Variants in NTMT1 observed in about 807,000 individuals in gnomAD.
NTMT1 encodes N-terminal RCC1 methyltransferase.
In NTMT1, 8 loss-of-function variants were observed where a neutral mutation model predicts 17.5. The ratio of observed to expected loss-of-function variants is 0.46; its 90% CI spans 0.27 to 0.82. NTMT1 has a LOEUF of 0.82. Among genes scored for constraint, NTMT1 ranks in the 40% least tolerant of loss-of-function variants. NTMT1 has a pLI of 0.15. For missense variants in NTMT1, 221 were observed against 303.5 expected (o/e 0.73, Z 2.02); for synonymous variants, 128 against 126.8 (o/e 1.01, Z -0.06).
chr9:129,615,564 T>C (rs770129605), intron 1 of NTMT1: 2 of 1,609,882 alleles, frequency 1.2e-6, no homozygotes. Context: ...AGGGCAACGC[T>C]GCCTGCAGGG....
chr9:129,621,627 C>T (rs564008734), upstream of NTMT1, among the ~76,000 whole-genome samples: 53 of 152,310 alleles, frequency 3.5e-4, no homozygotes, highest in South Asian at 0.011. Flanking sequence ...CTTGGCCTCC[C>T]AAAGTGCTGG....
Position 129,635,553 on chromosome 9 carries a change from CGTGA to C in NTMT1, c.*93_*96del, listed in dbSNP as rs1831503459. The C allele has an allele frequency of 4.8e-6, 7 of 1,453,372 alleles. No homozygotes were observed. Among genetic ancestry groups the C allele is most frequent in the South Asian group, 3.9e-5 (3 of 76,932 alleles). The allele number at this position is 1,453,372 out of a possible 1,614,324, so 90.0% of individuals were successfully genotyped here. A position where few individuals can be genotyped will look rare whatever the true frequency, so the allele number is the denominator to read the frequency against. ...AGATCCAGGCGCCACGCTGGCGGTT[CGTGA>C]GTGTCGAGGCACCACTAAATATAGC... On this transcript the variant is annotated 3_prime_UTR_variant, in exon 4 of 4. Coordinates refer to ENST00000372483, the MANE Select transcript of NTMT1 (RefSeq NM_014064.4).
upstream of NTMT1, among the ~76,000 whole-genome samples, chr9:129,623,373 A>G (rs1281679234): frequency 7.7e-6 from 1 of 129,284 alleles, no homozygotes; most frequent in Admixed American, 7.9e-5. Context: ...AAGGAAGAAA[A>G]GAAATTAACA....
chr9:129,624,809 G>A (rs1046211852), upstream of NTMT1, among the ~76,000 whole-genome samples: 5 of 152,134 alleles, frequency 3.3e-5, no homozygotes, highest in African/African-American at 1.2e-4. Context: ...TGTATTTTTA[G>A]TAGAGACGGG....
chr9:129,609,934 T>TA (rs1452027963), intron 1 of NTMT1, among the ~76,000 whole-genome samples: 1 of 150,324 alleles, frequency 6.7e-6, no homozygotes, highest in African/African-American at 2.5e-5. Context: ...GGAGTCCGGG[T>TA]ATGTGTGTGG....
upstream of NTMT1, among the ~76,000 whole-genome samples, chr9:129,625,839 C>T (rs1243348244): frequency 6.6e-6 from 1 of 151,742 alleles, no homozygotes; most frequent in African/African-American, 2.4e-5. Flanking sequence ...TGGTGAAAAC[C>T]CGTCTCTACT....
At chr9:129,631,256 G>T (rs928622439) in intron 1 of NTMT1, among the ~76,000 whole-genome samples, 1 of 152,208 alleles carries the variant, frequency 6.6e-6, no homozygotes, top group East Asian at 1.9e-4. Context: ...TTATTTTTCT[G>T]CTGTGTATTT....
rs1228177954 is a variant in NTMT1, at chr9:129,614,372, C to T, written c.-55+5194C>T. ...CTGCGTCAGATCCCTCCCAAATCAG[C>T]GAAGGTCCTAGGTTTGCAGGGCATC... is the stretch of plus-strand genomic sequence containing the variant. On this transcript the variant is annotated intron_variant, in intron 1 of 3. Transcript: ENST00000372486. This position sits in a 1 kb window ranked among gnomAD's most constrained non-coding sequence, Gnocchi z 4.4. Among the ~76,000 whole-genome samples the T allele has an allele frequency of 2.0e-5, 3 of 152,186 alleles. No individual in the cohort carries two copies. The highest frequency in any genetic ancestry group is 2.1e-4 in the South Asian group (1 of 4,826).
intron 1 of NTMT1, among the ~76,000 whole-genome samples, chr9:129,626,913 T>C (rs1830927047): frequency 6.6e-6 from 1 of 152,210 alleles, no homozygotes; most frequent in Admixed American, 6.5e-5. Context: ...TTCTCCTCTG[T>C]ACTATAAGTG....
chr9:129,621,685 C>T (rs1417053635), upstream of NTMT1, among the ~76,000 whole-genome samples: 4 of 152,176 alleles, frequency 2.6e-5, no homozygotes, highest in Non-Finnish European at 5.9e-5. Flanking sequence ...AGACTTTTAA[C>T]AAACTCCCCC....
At chr9:129,619,900 G>C in intron 1 of NTMT1, 2 of 1,547,686 alleles carry the variant, frequency 1.3e-6, no homozygotes, top group Non-Finnish European at 1.8e-6. Flanking sequence ...TGGCCTCGGG[G>C]TGATGGCAGA....
At chr9:129,635,137 G>A in intron 3 of NTMT1, 71 bp from the exon 4 acceptor site, 2 of 1,543,342 alleles carry the variant, frequency 1.3e-6, no homozygotes, top group Non-Finnish European at 1.7e-6. Context: ...GCGGGGCTGA[G>A]AAGTACATCC....
At chr9:129,615,675 C>T (rs778163876) in intron 1 of NTMT1, 7 of 1,500,366 alleles carry the variant, frequency 4.7e-6, no homozygotes, top group East Asian at 2.4e-5. Context: ...GGCCTGTGCT[C>T]GAAGCCCCCC....
chr9:129,620,146 T>C lies in NTMT1; in HGVS notation c.-55+10968T>C, dbSNP rs1225967454. 3 of 1,462,452 alleles carry C rather than the reference T, an allele frequency of 2.1e-6. No homozygotes were observed. In the East Asian group the frequency reaches 7.6e-5, roughly 37 times the overall value. 90.6% of individuals were successfully genotyped at this position (1,462,452 alleles called of 1,614,324 possible). On this transcript the variant is annotated intron_variant, in intron 1 of 3. Transcript: ENST00000372486. This position sits in a 1 kb window ranked among gnomAD's most constrained non-coding sequence, Gnocchi z 5.8. ...GGAACCTGCTGGGGAGGAGCTCTCC[T>C]AGGAAGGCGCCCAAGAAGTCGGGGT...
chr9:129,618,728 T>C (rs1487335994), intron 1 of NTMT1, among the ~76,000 whole-genome samples: 1 of 152,052 alleles, frequency 6.6e-6, no homozygotes, highest in Non-Finnish European at 1.5e-5. Context: ...AGTCTCACTC[T>C]GTCACCCAGG....
chr9:129,618,654 G>C (rs1830508239), intron 1 of NTMT1, among the ~76,000 whole-genome samples: 1 of 152,052 alleles, frequency 6.6e-6, no homozygotes, highest in Non-Finnish European at 1.5e-5. Flanking sequence ...TGGATGGATA[G>C]AAGTGTGGGA....
Position 129,613,082 on chromosome 9 carries a change from T to C in NTMT1, c.-55+3904T>C. 2 of 1,613,120 alleles carry C rather than the reference T, an allele frequency of 1.2e-6. No homozygotes were observed. The highest frequency in any genetic ancestry group is 1.7e-6 in the Non-Finnish European group (2 of 1,179,932). On this transcript the variant is annotated intron_variant, in intron 1 of 3. Transcript: ENST00000372486. The surrounding 1 kb of genome is among the most constrained non-coding windows in gnomAD (Gnocchi z 6.2). ...CAGCAGGGGCTCACCAGCTTCTAGGTCCAGGAGCAAGACCATTTGCCCACC... is the reference window on the plus strand; with the variant it reads ...CAGCAGGGGCTCACCAGCTTCTAGGCCCAGGAGCAAGACCATTTGCCCACC...
In NTMT1 at chr9:129,633,693, G is replaced by A. The variant is rs180766884; in HGVS notation, c.163-361G>A. 2.3e-3 allele frequency: 441 copies of A among 188,170 alleles called. 2 individuals are homozygous for A. Among genetic ancestry groups the A allele is most frequent in the South Asian group, 0.02 (123 of 6,124 alleles). The allele number at this position is 188,170 out of a possible 1,614,324, so 11.7% of individuals were successfully genotyped here. A position where few individuals can be genotyped will look rare whatever the true frequency, so the allele number is the denominator to read the frequency against. On this transcript the variant is annotated intron_variant, in intron 2 of 3. Transcript: ENST00000372483. Reference sequence around the variant, plus strand: ...AAAAAAAAATGAGTTGGGCATGGTGGCGCATGCCTGTAGTCCCAGCTACTT... The same window carrying A: ...AAAAAAAAATGAGTTGGGCATGGTGACGCATGCCTGTAGTCCCAGCTACTT...
chr9:129,634,618 GTTTTAT>G, intron 3 of NTMT1: 1 of 307,080 alleles, frequency 3.3e-6, no homozygotes, highest in Non-Finnish European at 6.0e-6. Flanking sequence ...TTTTATAAGG[GTTTTAT>G]TTTTAATAAG....
Sources: gnomAD v4.1 joint callset for allele counts (sites outside exome capture counted in the v4.1 genomes callset) on GRCh38, gnomAD v4.1.1 for gene constraint, Gnocchi (gnomAD v3.1) non-coding constraint, MANE v1.5 for transcripts, NCBI Gene and HGNC (gene_info 2026-07-23, HGNC 2026-07-21) for gene names.